The following ZFAT variants were observed in gnomAD, a reference collection of about 807,000 sequenced individuals.
ZFAT encodes zinc finger protein ZFAT.
ZFAT carries 64 observed loss-of-function variants against 117.7 expected under a neutral mutation model. The ratio of observed to expected loss-of-function variants is 0.54; its 90% CI spans 0.44 to 0.67. The LOEUF (loss-of-function observed/expected upper bound fraction) is 0.67. Ranked by LOEUF, ZFAT falls within the 30% of genes least tolerant of loss-of-function variation. The pLI is 0.00. For missense variants in ZFAT, 1,433 were observed against 1,584.5 expected (o/e 0.90, Z 1.62); for synonymous variants, 679 against 615.0 (o/e 1.10, Z -1.54).
chr8:134,817,850 C>A, the ZFAT span, among the ~76,000 whole-genome samples: 1 of 152,102 alleles, frequency 6.6e-6, no homozygotes, highest in South Asian at 2.1e-4. Flanking sequence ...GGAACAAAAT[C>A]GAGTCCAAAA....
chr8:134,655,462 A>C (rs1831539688), intron 2 of ZFAT, among the ~76,000 whole-genome samples: 1 of 152,180 alleles, frequency 6.6e-6, no homozygotes, highest in South Asian at 2.1e-4. Flanking sequence ...AGCCTGAGCA[A>C]CATAGTGAAA....
At chr8:134,549,488 T>A (rs1444295999) in intron 11 of ZFAT, among the ~76,000 whole-genome samples, 1 of 148,244 alleles carries the variant, frequency 6.7e-6, no homozygotes, top group Non-Finnish European at 1.5e-5. Flanking sequence ...TACGAGTTCA[T>A]CCCCAGAGGC....
the ZFAT span, among the ~76,000 whole-genome samples, chr8:134,768,992 A>T: frequency 2.6e-5 from 4 of 152,218 alleles, no homozygotes; most frequent in African/African-American, 9.6e-5. Context: ...GGCTGACATG[A>T]TGAAACCCCA....
intron 1 of ZFAT, among the ~76,000 whole-genome samples, chr8:134,666,151 C>T (rs1832204726): frequency 6.6e-6 from 1 of 152,176 alleles, no homozygotes; most frequent in South Asian, 2.1e-4. Context: ...CTAGCTAGGA[C>T]TGGTATCAGC....
At chr8:134,488,449 C>T (rs1817809227) in intron 15 of ZFAT, among the ~76,000 whole-genome samples, 3 of 152,208 alleles carry the variant, frequency 2.0e-5, no homozygotes, top group South Asian at 4.1e-4. Flanking sequence ...CAAGACAAAT[C>T]GAGGTGGCCT....
At chr8:134,631,571 C>T (rs1360766639) in intron 3 of ZFAT, among the ~76,000 whole-genome samples, 1 of 152,210 alleles carries the variant, frequency 6.6e-6, no homozygotes, top group African/African-American at 2.4e-5. Context: ...AGGTCACATA[C>T]TGTGTGAGTC....
chr8:134,629,462 T>C (rs765723829), intron 3 of ZFAT, among the ~76,000 whole-genome samples: 27 of 151,696 alleles, frequency 1.8e-4, no homozygotes, highest in Admixed American at 3.3e-4. Context: ...GGTGGGGCCA[T>C]GTGATTCCCT....
At chr8:134,507,441 T>C (rs996958510) in intron 15 of ZFAT, among the ~76,000 whole-genome samples, 2 of 152,010 alleles carry the variant, frequency 1.3e-5, no homozygotes, top group African/African-American at 2.4e-5. Flanking sequence ...GACAAGATAA[T>C]GGCCAGGACA....
chr8:134,506,694 T>C (rs763792831), intron 15 of ZFAT, among the ~76,000 whole-genome samples: 1 of 152,330 alleles, frequency 6.6e-6, no homozygotes, highest in South Asian at 2.1e-4. Flanking sequence ...CATTAACAAG[T>C]CATGAAAAAT....
intron 13 of ZFAT, among the ~76,000 whole-genome samples, chr8:134,518,022 G>A (rs59522012): frequency 0.21 from 32,399 of 151,940 alleles, 3,665 homozygotes; most frequent in Non-Finnish European, 0.25. Context: ...ACAAATATTT[G>A]GAAGGAGATA....
At chr8:134,514,546 T>C (rs771733925) in intron 13 of ZFAT, among the ~76,000 whole-genome samples, 1 of 152,124 alleles carries the variant, frequency 6.6e-6, no homozygotes, top group African/African-American at 2.4e-5. Context: ...TACAAATGGT[T>C]TCTCTCAGTG....
the ZFAT span, chr8:134,764,714 G>C: frequency 1.3e-5 from 2 of 152,182 alleles, no homozygotes; most frequent in African/African-American, 4.8e-5. Flanking sequence ...GCATTTAAAT[G>C]TACAGTATTG....
chr8:134,831,136 G>C, the ZFAT span, among the ~76,000 whole-genome samples: 4 of 152,222 alleles, frequency 2.6e-5, no homozygotes, highest in African/African-American at 9.6e-5. Context: ...GGCATATCAA[G>C]TACTTCGGTG....
intron 3 of ZFAT, among the ~76,000 whole-genome samples, chr8:134,618,062 C>G (rs964691101): frequency 6.6e-6 from 1 of 152,226 alleles, no homozygotes; most frequent in African/African-American, 2.4e-5. Context: ...GTAAGAAGTG[C>G]CTTTCACCTC....
chr8:134,776,363 GCA>G, the ZFAT span, among the ~76,000 whole-genome samples: 1 of 152,156 alleles, frequency 6.6e-6, no homozygotes, highest in South Asian at 2.1e-4. Flanking sequence ...CAGTGCTGCA[GCA>G]CAGTCATGGC....
the ZFAT span, among the ~76,000 whole-genome samples, chr8:134,778,747 T>G: frequency 6.3e-4 from 96 of 152,280 alleles, no homozygotes; most frequent in African/African-American, 2.1e-3. Context: ...CAAGGACAAC[T>G]AAATATCAAA....
intron 10 of ZFAT, among the ~76,000 whole-genome samples, chr8:134,582,906 A>G (rs1163818577): frequency 6.6e-6 from 1 of 152,246 alleles, no homozygotes; most frequent in Non-Finnish European, 1.5e-5. Flanking sequence ...ATTTTTATAT[A>G]TAATTTTGGT....
chr8:134,793,290 A>G, the ZFAT span: 1 of 152,236 alleles, frequency 6.6e-6, no homozygotes, highest in Admixed American at 6.5e-5. Context: ...ATTTAGCACT[A>G]CTGAGTACAA....
At chr8:134,505,114 G>A (rs970328480) in intron 15 of ZFAT, among the ~76,000 whole-genome samples, 2 of 152,060 alleles carry the variant, frequency 1.3e-5, no homozygotes, top group Non-Finnish European at 2.9e-5. Flanking sequence ...TTTTTCCAGT[G>A]TACTTTTTGC....
Sources: allele counts gnomAD v4.1 joint callset (sites outside exome capture counted in the v4.1 genomes callset), GRCh38; gene constraint gnomAD v4.1.1; transcripts MANE v1.5; gene names NCBI Gene and HGNC (gene_info 2026-07-23, HGNC 2026-07-21).